Variants in IGF1R observed in about 807,000 individuals in gnomAD.
The protein encoded by IGF1R is insulin like growth factor 1 receptor.
A neutral mutation model predicts 144.6 loss-of-function variants in IGF1R; 44 were observed. The ratio of observed to expected loss-of-function variants is 0.30; its 90% CI spans 0.24 to 0.39. The LOEUF is 0.39. IGF1R is among the 10% of genes least tolerant of loss of function. The pLI, the probability that IGF1R is intolerant of heterozygous loss-of-function variation, is 1.00. For synonymous variants in IGF1R, 795 were observed against 722.8 expected, an observed-to-expected ratio of 1.10 and a Z score of -1.60; for missense variants, 1,355 against 1,833.7, an observed-to-expected ratio of 0.74 and a Z score of 4.77.
intron 1 of IGF1R, among the ~76,000 whole-genome samples, chr15:98,687,568 T>C (rs1214002825): frequency 6.6e-6 from 1 of 152,184 alleles, no homozygotes; most frequent in Non-Finnish European, 1.5e-5. Flanking sequence ...TGCAGAAGAA[T>C]GGGCACTGTC....
intron 1 of IGF1R, among the ~76,000 whole-genome samples, chr15:98,667,791 C>G (rs1364580896): frequency 1.3e-5 from 2 of 152,112 alleles, no homozygotes; most frequent in African/African-American, 4.8e-5. Flanking sequence ...GGAAGTTGGA[C>G]TTGCATTTTC....
At chr15:98,877,954 C>T (rs1596386584) in intron 2 of IGF1R, among the ~76,000 whole-genome samples, 1 of 152,296 alleles carries the variant, frequency 6.6e-6, no homozygotes, top group South Asian at 2.1e-4. Flanking sequence ...GTGGCAGGGG[C>T]TTTTGCGTAG....
At chr15:98,677,262 T>G (rs1442583702) in intron 1 of IGF1R, among the ~76,000 whole-genome samples, 2 of 152,208 alleles carry the variant, frequency 1.3e-5, no homozygotes, top group African/African-American at 4.8e-5. Flanking sequence ...AGGTGATTAT[T>G]GGTTGTGTGT....
rs146509122 is a variant in IGF1R at position 98,950,832 on chromosome 15, G to A, written c.3722+2124G>A. On this transcript the variant is annotated intron_variant, in intron 20 of 20. Transcript: ENST00000650285. Reference sequence around the variant, plus strand: ...TTTACACCAGGGGCAACGATCTTGGGGGGCATCTTAGAATTCCATAGTCTC... The same window carrying A: ...TTTACACCAGGGGCAACGATCTTGGAGGGCATCTTAGAATTCCATAGTCTC... 2.7e-3 allele frequency among the ~76,000 whole-genome samples: 406 copies of A among 152,258 alleles called. 1 individual carries two copies. Among genetic ancestry groups the A allele is most frequent in the African/African-American group, 9.2e-3 (381 of 41,526 alleles).
chr15:98,865,537 C>T (rs1318295315), intron 2 of IGF1R, among the ~76,000 whole-genome samples: 2 of 152,172 alleles, frequency 1.3e-5, no homozygotes, highest in African/African-American at 2.4e-5. Flanking sequence ...CGCTGGGCTT[C>T]GGCATGTGCT....
chr15:98,875,126 G>T (rs917277623), intron 2 of IGF1R, among the ~76,000 whole-genome samples: 1 of 151,762 alleles, frequency 6.6e-6, no homozygotes, highest in Non-Finnish European at 1.5e-5. Flanking sequence ...CCTCGGCTCC[G>T]GGACGAGGAT....
chr15:98,913,563 A>C (rs926169493), intron 8 of IGF1R, among the ~76,000 whole-genome samples: 2 of 152,218 alleles, frequency 1.3e-5, no homozygotes, highest in African/African-American at 2.4e-5. Flanking sequence ...CCCAGCCTGG[A>C]AACAGCCGTC....
At chr15:98,728,008 T>TTTTG (rs1555436594) in intron 2 of IGF1R, among the ~76,000 whole-genome samples, 1 of 4,126 alleles carries the variant, frequency 2.4e-4, no homozygotes, top group African/African-American at 5.4e-4. Flanking sequence ...AGATGCATTG[T>TTTTG]TTTTTTTTTT....
At chr15:98,908,410 A>T (rs2014836030) in intron 5 of IGF1R, among the ~76,000 whole-genome samples, 1 of 152,246 alleles carries the variant, frequency 6.6e-6, no homozygotes, top group East Asian at 1.9e-4. Context: ...GATTCTAGTA[A>T]CATCCTCTGG....
At chr15:98,751,842 C>G (rs2055019387) in intron 2 of IGF1R, among the ~76,000 whole-genome samples, 1 of 152,138 alleles carries the variant, frequency 6.6e-6, no homozygotes, top group Non-Finnish European at 1.5e-5. Context: ...AAGGGAAGAA[C>G]AAATAACATA....
intron 2 of IGF1R, among the ~76,000 whole-genome samples, chr15:98,780,985 C>T (rs979101911): frequency 1.4e-4 from 21 of 152,000 alleles, no homozygotes; most frequent in Non-Finnish European, 3.1e-4. Context: ...AGCCGGGAGT[C>T]GTGGCATACA....
chr15:98,873,276 C>T (rs1012586994), intron 2 of IGF1R, among the ~76,000 whole-genome samples: 20 of 152,066 alleles, frequency 1.3e-4, no homozygotes, highest in Admixed American at 6.6e-4. Context: ...TTCACTGATA[C>T]TTTTTTTCAA....
At chr15:98,845,069 G>A (rs767047721) in intron 2 of IGF1R, among the ~76,000 whole-genome samples, 3 of 152,130 alleles carry the variant, frequency 2.0e-5, no homozygotes, top group Non-Finnish European at 2.9e-5. Context: ...CTTGTTAGCC[G>A]TGGAACGACC....
rs750280055 is a variant in IGF1R, at chr15:98,916,666, G to A, written c.1997-6G>A. 12 of 1,613,704 alleles carry A rather than the reference G, an allele frequency of 7.4e-6. No individual in the cohort carries two copies. The highest frequency in any genetic ancestry group is 5.5e-5 in the South Asian group (5 of 91,018). On this transcript the variant is annotated splice_region_variant and splice_polypyrimidine_tract_variant and intron_variant, in intron 9 of 20. Coordinates refer to ENST00000650285, the MANE Select transcript of IGF1R (RefSeq NM_000875.5). ...ACTCTTGTTTTGGCTTTTCTTTTCC[G>A]AGAAGACAAAATCCCCATCAGGAAG... is the stretch of plus-strand genomic sequence containing the variant.
chr15:98,661,712 C>T (rs910728353), intron 1 of IGF1R, among the ~76,000 whole-genome samples: 12 of 152,176 alleles, frequency 7.9e-5, no homozygotes, highest in African/African-American at 2.9e-4. Context: ...AAGGGAGCTC[C>T]AGGCCTCAGT....
At chr15:98,863,661 C>A (rs890743858) in intron 2 of IGF1R, among the ~76,000 whole-genome samples, 1 of 152,208 alleles carries the variant, frequency 6.6e-6, no homozygotes, top group African/African-American at 2.4e-5. Flanking sequence ...CTTAAGAAAT[C>A]CCACATATGA....
At chr15:98,802,061 T>G (rs1045037353) in intron 2 of IGF1R, among the ~76,000 whole-genome samples, 7 of 152,170 alleles carry the variant, frequency 4.6e-5, no homozygotes, top group Admixed American at 1.3e-4. Context: ...TACCAAGTTG[T>G]GGCCCCTTTT....
intron 2 of IGF1R, among the ~76,000 whole-genome samples, chr15:98,744,060 C>CA (rs1250003167): frequency 1.3e-5 from 2 of 152,036 alleles, no homozygotes; most frequent in Non-Finnish European, 2.9e-5. Flanking sequence ...CTGAGTCAAG[C>CA]AGGCATTTGG....
chr15:98,939,484 TG>T, intron 18 of IGF1R, 124 bp downstream of exon 18: 1 of 898,832 alleles, frequency 1.1e-6, no homozygotes, highest in Non-Finnish European at 1.9e-6. Flanking sequence ...GACTCCTTCT[TG>T]GGAATGATGT....
Sources: gnomAD v4.1 joint callset for allele counts (sites outside exome capture counted in the v4.1 genomes callset) on GRCh38, gnomAD v4.1.1 for gene constraint, MANE v1.5 for transcripts, NCBI Gene and HGNC (gene_info 2026-07-23, HGNC 2026-07-21) for gene names.